The following RABGAP1L variants were observed in gnomAD, a reference collection of about 807,000 sequenced individuals.
RABGAP1L encodes the protein rab GTPase-activating protein 1-like.
RABGAP1L carries 63 observed loss-of-function variants against 137.7 expected under a neutral mutation model. The ratio of observed to expected loss-of-function variants is 0.46; its 90% confidence interval spans 0.37 to 0.56. RABGAP1L has a LOEUF of 0.56. Ranked by LOEUF, RABGAP1L falls within the 20% of genes least tolerant of loss-of-function variation. The probability of loss-of-function intolerance (pLI) is 0.00; values close to 1 mark genes in which losing one functional copy is unlikely to be tolerated. For missense variants in RABGAP1L, 1,095 were observed against 1,244.0 expected, an observed-to-expected ratio of 0.88 and a Z score of 1.80; for synonymous variants, 431 against 433.7, an observed-to-expected ratio of 0.99 and a Z score of 0.08.
intron 14 of RABGAP1L, among the ~76,000 whole-genome samples, chr1:174,640,998 A>G (rs912348861): frequency 6.9e-6 from 1 of 145,012 alleles, no homozygotes; most frequent in Non-Finnish European, 1.5e-5. Flanking sequence ...TTTAGATTAT[A>G]TTAATTAAAT....
Position 174,986,223 on chromosome 1 carries a change from AC to A in RABGAP1L, c.2806-2417del, listed in dbSNP as rs201588029. 3.2e-4 allele frequency among the ~76,000 whole-genome samples: 38 copies of A among 117,384 alleles called. No individual in the cohort carries two copies. The African/African-American group carries it at 3.5e-3, about 11-fold the overall frequency. 77.0% of individuals were successfully genotyped at this position (117,384 alleles called of 152,430 possible). ...TCGGCCTCCCAAAGTGCTGGGATTA[AC>A]GGGCATGAGCCGCCGTGCCCAGCAC... On this transcript the variant is annotated intron_variant, in intron 24 of 25. Transcript: ENST00000681986.
At chr1:174,716,123 CGTT>C (rs915092486) in intron 17 of RABGAP1L, among the ~76,000 whole-genome samples, 1 of 152,084 alleles carries the variant, frequency 6.6e-6, no homozygotes, top group African/African-American at 2.4e-5. Flanking sequence ...TTTAAGTTTA[CGTT>C]ATTTTTATTG....
chr1:174,356,060 T>G (rs1683613713), intron 11 of RABGAP1L, among the ~76,000 whole-genome samples: 1 of 152,186 alleles, frequency 6.6e-6, no homozygotes, highest in Non-Finnish European at 1.5e-5. Flanking sequence ...GTCATACACA[T>G]GTGGTTTTGG....
intron 13 of RABGAP1L, among the ~76,000 whole-genome samples, chr1:174,540,481 G>A (rs912709851): frequency 7.9e-5 from 12 of 152,122 alleles, no homozygotes; most frequent in African/African-American, 1.2e-4. Context: ...TAAGGTATAC[G>A]GAAGGGATCC....
intron 18 of RABGAP1L, among the ~76,000 whole-genome samples, chr1:174,763,422 G>A (rs1252489843): frequency 7.4e-5 from 11 of 149,370 alleles, no homozygotes; most frequent in African/African-American, 2.2e-4. Flanking sequence ...AGGCCGAGGC[G>A]GGCGGATCAC....
intron 14 of RABGAP1L, among the ~76,000 whole-genome samples, chr1:174,653,795 T>C (rs1265005093): frequency 6.6e-6 from 1 of 152,232 alleles, no homozygotes; most frequent in African/African-American, 2.4e-5. Flanking sequence ...GTTCAGTGTT[T>C]GAGGGAAGAA....
chr1:174,385,806 G>A (rs182946484), intron 12 of RABGAP1L, among the ~76,000 whole-genome samples: 17 of 152,308 alleles, frequency 1.1e-4, no homozygotes, highest in Admixed American at 1.0e-3. Flanking sequence ...AGGTGTCACT[G>A]GTGATCTTAA....
At chr1:174,356,229 G>T (rs74733386) in intron 11 of RABGAP1L, among the ~76,000 whole-genome samples, 2 of 151,874 alleles carry the variant, frequency 1.3e-5, no homozygotes, top group African/African-American at 4.8e-5. Flanking sequence ...TTTTCCCCTG[G>T]TGTGGTTAGA....
At chr1:174,263,851 T>A (rs1483821904) in intron 7 of RABGAP1L, among the ~76,000 whole-genome samples, 1 of 152,144 alleles carries the variant, frequency 6.6e-6, no homozygotes, top group Non-Finnish European at 1.5e-5. Flanking sequence ...TTGACTCTTC[T>A]GTATGACTTT....
chr1:174,974,212 G>A (rs766922623), intron 21 of RABGAP1L, among the ~76,000 whole-genome samples: 15 of 151,648 alleles, frequency 9.9e-5, no homozygotes, highest in Admixed American at 2.6e-4. Context: ...GGATGGCCTC[G>A]ATCTCCTGAC....
At chr1:174,618,071 G>A (rs1672071189) in intron 13 of RABGAP1L, among the ~76,000 whole-genome samples, 3 of 152,220 alleles carry the variant, frequency 2.0e-5, no homozygotes, top group Non-Finnish European at 4.4e-5. Flanking sequence ...AGATCAAACT[G>A]CAAGGCAGCA....
chr1:174,465,317 A>T (rs1657170213), intron 13 of RABGAP1L, among the ~76,000 whole-genome samples: 1 of 152,152 alleles, frequency 6.6e-6, no homozygotes. Flanking sequence ...CTCCTGCCTC[A>T]GCCTCCAGAG....
intron 13 of RABGAP1L, among the ~76,000 whole-genome samples, chr1:174,515,372 TC>T (rs1450079297): frequency 1.3e-5 from 2 of 152,292 alleles, no homozygotes; most frequent in Admixed American, 1.3e-4. Context: ...AAAATGTGTG[TC>T]CCTGTGTTTG....
intron 20 of RABGAP1L, chr1:174,964,837 A>G: frequency 7.1e-7 from 1 of 1,409,556 alleles, no homozygotes; most frequent in East Asian, 2.6e-5. Context: ...CTCAAAGGAA[A>G]AGCAAAAGAG....
At chr1:174,852,285 G>A (rs767444630) in intron 19 of RABGAP1L, among the ~76,000 whole-genome samples, 1 of 152,148 alleles carries the variant, frequency 6.6e-6, no homozygotes, top group Non-Finnish European at 1.5e-5. Flanking sequence ...GAGTAGAAAA[G>A]CACACAACAG....
chr1:174,957,127 A>G (rs1267665817), intron 19 of RABGAP1L, among the ~76,000 whole-genome samples: 2 of 152,212 alleles, frequency 1.3e-5, no homozygotes, highest in African/African-American at 4.8e-5. Context: ...ACAGAGGTGG[A>G]CAAACTGTAG....
At chr1:174,717,634 C>T (rs539406154) in intron 17 of RABGAP1L, among the ~76,000 whole-genome samples, 1 of 152,212 alleles carries the variant, frequency 6.6e-6, no homozygotes, top group Non-Finnish European at 1.5e-5. Context: ...TTACAAAAAA[C>T]AGGTCACCTT....
At chr1:174,712,353 C>T (rs921211138) in intron 17 of RABGAP1L, among the ~76,000 whole-genome samples, 4 of 152,364 alleles carry the variant, frequency 2.6e-5, no homozygotes, top group Non-Finnish European at 5.9e-5. Flanking sequence ...CGAAGGTCTG[C>T]AGCTTCACTC....
intron 10 of RABGAP1L, among the ~76,000 whole-genome samples, chr1:174,300,746 A>G (rs914488760): frequency 6.6e-6 from 1 of 152,056 alleles, no homozygotes; most frequent in Admixed American, 6.6e-5. Flanking sequence ...GGGTGCCTGT[A>G]ATCATAGCTA....
Sources: allele counts gnomAD v4.1 joint callset (sites outside exome capture counted in the v4.1 genomes callset), GRCh38; gene constraint gnomAD v4.1.1; transcripts MANE v1.5; gene names NCBI Gene and HGNC (gene_info 2026-07-23, HGNC 2026-07-21).